The following SUPT20H variants were observed in gnomAD, a reference collection of about 807,000 sequenced individuals.
SUPT20H encodes the protein SPT20 homolog, SAGA complex component.
In SUPT20H, 82 loss-of-function variants were observed where a neutral mutation model predicts 122.8. That is an observed-to-expected ratio of 0.67 (90% CI 0.56 to 0.80). The LOEUF is 0.80. Ranked by LOEUF, SUPT20H falls within the 30% of genes least tolerant of loss-of-function variation. The pLI, the probability that SUPT20H is intolerant of heterozygous loss-of-function variation, is 0.00. For synonymous variants in SUPT20H, 291 were observed against 313.0 expected (o/e 0.93, Z 0.74); for missense variants, 831 against 921.6 (o/e 0.90, Z 1.27).
Position 37,024,397 on chromosome 13 carries a change from C to T in SUPT20H, c.1375G>A (p.Val459Ile). Residue 459 changes from valine to isoleucine, a missense_variant, in exon 18 of 26, where the codon GTA becomes ATA. Coordinates refer to ENST00000350612, the MANE Select transcript of SUPT20H (RefSeq NM_001014286.3). ...TTGATTGGTGGGGGTCGATGTTTTA[C>T]ACCCTTCCCCAATACCGAAGACTGA... ...SVQSSVLGKG[V>I]KHRPPPIKLP... 6.3e-7 allele frequency: 1 copy of T among 1,591,664 alleles called. No individual in the cohort carries two copies. Among genetic ancestry groups the T allele is most frequent in the South Asian group, 1.2e-5 (1 of 86,022 alleles).
chr13:37,015,264 T>C (rs1482539733), intron 23 of SUPT20H, among the ~76,000 whole-genome samples: 2 of 150,708 alleles, frequency 1.3e-5, no homozygotes, highest in Non-Finnish European at 2.9e-5. Context: ...ATCTGATATA[T>C]GTGTATATGA....
At chr13:37,026,841 G>A (rs1004028306) in intron 14 of SUPT20H, 25 bp from the exon 15 acceptor site, 27 of 1,406,342 alleles carry the variant, frequency 1.9e-5, no homozygotes, top group Non-Finnish European at 2.4e-5. Context: ...GTAAAAAAAA[G>A]CTTAGTTAAT....
chr13:37,029,200 G>A (rs2062851429), intron 13 of SUPT20H, among the ~76,000 whole-genome samples: 2 of 152,024 alleles, frequency 1.3e-5, no homozygotes, highest in Admixed American at 1.3e-4. Flanking sequence ...CTACCAATAC[G>A]CAAACCAAAA....
intron 7 of SUPT20H, among the ~76,000 whole-genome samples, chr13:37,043,682 T>C (rs1378044133): frequency 6.6e-6 from 1 of 152,062 alleles, no homozygotes; most frequent in Non-Finnish European, 1.5e-5. Context: ...GGTCTTGCTC[T>C]ATCACCCACG....
intron 22 of SUPT20H, among the ~76,000 whole-genome samples, chr13:37,018,939 A>G (rs1212731867): frequency 6.6e-6 from 1 of 152,182 alleles, no homozygotes; most frequent in African/African-American, 2.4e-5. Flanking sequence ...GTGAGCAACC[A>G]TGTACGGCCC....
chr13:37,016,318 T>C (rs1311651035), intron 23 of SUPT20H, among the ~76,000 whole-genome samples: 1 of 151,826 alleles, frequency 6.6e-6, no homozygotes, highest in Non-Finnish European at 1.5e-5. Flanking sequence ...TAGCGACAGC[T>C]ACTCGGGAGG....
chr13:37,040,238 T>C, intron 9 of SUPT20H, 167 bp downstream of exon 9: 1 of 618,598 alleles, frequency 1.6e-6, no homozygotes, highest in Non-Finnish European at 2.7e-6. Context: ...ACTACACATA[T>C]AAAGAGACCC....
intron 24 of SUPT20H, 110 bp downstream of exon 24, chr13:37,012,082 C>T (rs974120707): frequency 7.4e-6 from 6 of 807,006 alleles, no homozygotes; most frequent in South Asian, 5.3e-5. Context: ...TTTACTTTTT[C>T]CTGTTTACTG....
At position 37,047,324 on chromosome 13, in the gene SUPT20H, A is replaced by ATAAC. The variant is rs1305913506; in HGVS notation, c.165+207_165+210dup. On this transcript the variant is annotated intron_variant, in intron 5 of 25. Transcript: ENST00000350612. ...CTAGTGAGACAGTCTGATACTCAATATAACTGTTCCTTCACTCCTACCTCA... is the reference window on the plus strand; with the variant it reads ...CTAGTGAGACAGTCTGATACTCAATATAACTAACTGTTCCTTCACTCCTACCTCA... 5.9e-5 allele frequency: 23 copies of ATAAC among 392,952 alleles called. No individual in the cohort carries two copies. In the South Asian group the frequency reaches 7.7e-4, roughly 13 times the overall value. The allele number at this position is 392,952 out of a possible 1,614,324, so 24.3% of individuals were successfully genotyped here. A position where few individuals can be genotyped will look rare whatever the true frequency, so the allele number is the denominator to read the frequency against.
chr13:37,018,098 G>A (rs1398324130), intron 22 of SUPT20H, among the ~76,000 whole-genome samples: 1 of 151,576 alleles, frequency 6.6e-6, no homozygotes, highest in Non-Finnish European at 1.5e-5. Context: ...AGAACTCTTA[G>A]GTCTGTATAG....
intron 1 of SUPT20H, among the ~76,000 whole-genome samples, chr13:37,057,471 A>G (rs2139546743): frequency 6.6e-6 from 1 of 150,866 alleles, no homozygotes; most frequent in African/African-American, 2.4e-5. Flanking sequence ...CAGGTAAAAC[A>G]GTTTTGCTTT....
intron 14 of SUPT20H, among the ~76,000 whole-genome samples, chr13:37,027,414 T>C (rs1419640627): frequency 1.3e-5 from 2 of 152,128 alleles, no homozygotes; most frequent in Non-Finnish European, 2.9e-5. Context: ...GGATTCCCTG[T>C]TATTTCCTTT....
chr13:37,032,524 A>C (rs1555290533), intron 10 of SUPT20H, among the ~76,000 whole-genome samples: 1 of 152,172 alleles, frequency 6.6e-6, no homozygotes, highest in Non-Finnish European at 1.5e-5. Context: ...TGCCTTGCTG[A>C]AGCAGAAACC....
intron 9 of SUPT20H, among the ~76,000 whole-genome samples, chr13:37,033,961 T>A (rs1258537215): frequency 6.6e-6 from 1 of 152,184 alleles, no homozygotes; most frequent in East Asian, 1.9e-4. Flanking sequence ...AACTTTTTCA[T>A]TATTATTAAA....
chr13:37,033,714 C>T (rs1289074569), intron 9 of SUPT20H, 126 bp from the exon 10 acceptor site: 1 of 1,051,860 alleles, frequency 9.5e-7, no homozygotes, highest in Non-Finnish European at 1.3e-6. Context: ...TATGGTATTT[C>T]AAGTTCCAAT....
chr13:37,012,351 T>G, intron 23 of SUPT20H, 54 bp from the exon 24 acceptor site: 1 of 1,391,862 alleles, frequency 7.2e-7, no homozygotes, highest in Non-Finnish European at 1.0e-6. Flanking sequence ...AAATTTGAGC[T>G]GGTGAAAAGA....
chr13:37,036,241 T>C (rs1371640418), intron 9 of SUPT20H, among the ~76,000 whole-genome samples: 1 of 152,144 alleles, frequency 6.6e-6, no homozygotes, highest in African/African-American at 2.4e-5. Context: ...TTTTTAAACA[T>C]AATGCTATGG....
chr13:37,018,896 A>T (rs1177718341), intron 22 of SUPT20H, among the ~76,000 whole-genome samples: 1 of 151,938 alleles, frequency 6.6e-6, no homozygotes, highest in East Asian at 1.9e-4. Context: ...CAATCCACCC[A>T]CCTGGGTCTC....
intron 24 of SUPT20H, 144 bp from the exon 25 acceptor site, chr13:37,010,799 A>C (rs1420624441): frequency 1.2e-5 from 7 of 588,360 alleles, no homozygotes; most frequent in African/African-American, 1.1e-4. Context: ...ATTTCAGAAT[A>C]AATTTAGTAT....
Sources: allele counts gnomAD v4.1 joint callset (sites outside exome capture counted in the v4.1 genomes callset), GRCh38; gene constraint gnomAD v4.1.1; transcripts MANE v1.5; gene names NCBI Gene and HGNC (gene_info 2026-07-23, HGNC 2026-07-21).